Variants in DHX8 observed in about 807,000 individuals in gnomAD.
DHX8 encodes the protein DEAH-box helicase 8.
DHX8 carries 67 observed loss-of-function variants against 140.7 expected under a neutral mutation model. The observed-to-expected ratio is 0.48, with a 90% CI of 0.39 to 0.58. DHX8 has a LOEUF of 0.58. Ranked by LOEUF, DHX8 falls within the 20% of genes least tolerant of loss-of-function variation. The probability of loss-of-function intolerance (pLI) is 0.00; values close to 1 mark genes in which losing one functional copy is unlikely to be tolerated. For synonymous variants in DHX8, 533 were observed against 553.2 expected (o/e 0.96, Z 0.51); for missense variants, 887 against 1,550.7 (o/e 0.57, Z 7.19).
chr17:43,492,141 A>G (rs1385683838), intron 4 of DHX8, 42 bp from the exon 5 acceptor site: 2 of 1,372,692 alleles, frequency 1.5e-6, no homozygotes, highest in Admixed American at 3.4e-5. Context: ...CAGATTCTTG[A>G]GTAGTTTTTT....
chr17:43,522,706 C>G (rs995566804), intron 22 of DHX8, among the ~76,000 whole-genome samples: 2 of 139,480 alleles, frequency 1.4e-5, no homozygotes, highest in African/African-American at 5.6e-5. Flanking sequence ...CGAAATCACC[C>G]ATTGCACTCC....
chr17:43,543,054 C>G (rs1177971447), intron 3 of DHX8, among the ~76,000 whole-genome samples: 1 of 152,044 alleles, frequency 6.6e-6, no homozygotes, highest in Non-Finnish European at 1.5e-5. Flanking sequence ...CATCTGTCTC[C>G]GCAGAGAAAG....
intron 12 of DHX8, among the ~76,000 whole-genome samples, chr17:43,506,189 A>G (rs1439220765): frequency 2.0e-5 from 3 of 151,912 alleles, no homozygotes; most frequent in South Asian, 2.1e-4. Context: ...TATTTTTTGT[A>G]GAGATGCGGT....
intron 3 of DHX8, among the ~76,000 whole-genome samples, chr17:43,541,455 AG>A (rs1395759514): frequency 1.3e-5 from 2 of 150,784 alleles, no homozygotes; most frequent in Non-Finnish European, 3.0e-5. Flanking sequence ...ATGATTAAGG[AG>A]GGGGTGGGAA....
chr17:43,529,492 C>G (rs150661130), downstream of DHX8: 4 of 1,598,898 alleles, frequency 2.5e-6, no homozygotes, highest in Admixed American at 3.4e-5. Flanking sequence ...TGGGAACATC[C>G]GAGAGGCCCA....
chr17:43,514,677 A>G (rs2154586795), intron 17 of DHX8, among the ~76,000 whole-genome samples: 1 of 152,332 alleles, frequency 6.6e-6, no homozygotes, highest in East Asian at 1.9e-4. Context: ...AAAGTTAGAA[A>G]TGATTAAATA....
chr17:43,528,692 A>G (rs368414776), downstream of DHX8: 4 of 1,614,062 alleles, frequency 2.5e-6, no homozygotes, highest in Non-Finnish European at 3.4e-6. Flanking sequence ...GCCAAAGAGA[A>G]GAGGGCCTCG....
intron 3 of DHX8, among the ~76,000 whole-genome samples, chr17:43,542,050 C>T (rs1971550293): frequency 6.6e-6 from 1 of 152,180 alleles, no homozygotes. Flanking sequence ...GCATGCCCTC[C>T]ACACATGGGG....
At chr17:43,506,597 C>T (rs550480551) in intron 12 of DHX8, among the ~76,000 whole-genome samples, 3 of 146,490 alleles carry the variant, frequency 2.0e-5, no homozygotes, top group Middle Eastern at 3.6e-3. Flanking sequence ...CCAGCATGGG[C>T]GACAGAGTGA....
intron 1 of DHX8, among the ~76,000 whole-genome samples, chr17:43,485,603 G>A (rs925517390): frequency 6.6e-6 from 1 of 151,430 alleles, no homozygotes; most frequent in Non-Finnish European, 1.5e-5. Flanking sequence ...ATTGAGCTGG[G>A]GGCTAGGCAT....
intron 12 of DHX8, among the ~76,000 whole-genome samples, chr17:43,505,115 AAAATAAAAAATTT>A (rs1969415695): frequency 6.6e-6 from 1 of 152,154 alleles, no homozygotes; most frequent in African/African-American, 2.4e-5. Context: ...GTCTCTACAA[AAAATAAAAAATTT>A]GGTGGGGCGT....
chr17:43,520,049 A>C, intron 18 of DHX8, 81 bp from the exon 19 acceptor site: 1 of 1,529,366 alleles, frequency 6.5e-7, no homozygotes, highest in Non-Finnish European at 9.0e-7. Context: ...AATGGGAAAT[A>C]AAGTAACAAG....
intron 2 of DHX8, among the ~76,000 whole-genome samples, chr17:43,535,384 T>C (rs1021069400): frequency 2.4e-4 from 37 of 152,184 alleles, no homozygotes; most frequent in African/African-American, 8.9e-4. Context: ...TTCAAGCGAT[T>C]CTCATGCCTC....
At chr17:43,526,187 A>G (rs1970610676), downstream of DHX8, 10 of 985,200 alleles carry the variant, frequency 1.0e-5, no homozygotes, top group Admixed American at 1.2e-4. Context: ...CTCTCACACA[A>G]TGGAGCCCTT....
chr17:43,520,253 C>T lies in DHX8; in HGVS notation c.2923C>T (p.Arg975Cys), dbSNP rs1567698053. The change falls in exon 19 of 23, where the codon CGC becomes TGC. Residue 975 changes from arginine (R) to cysteine (C), a missense_variant. By Grantham distance (180) the Arg-to-Cys change is radical. Around this residue, in one of 9 missense-constraint regions of DHX8, gnomAD observed 151 missense variants for 388.3 expected, o/e 0.39. Transcript: ENST00000262415. ...CCTGGATGACGAGGGCCTGCTCACT[C>T]GCTTGGGCCGCCGGGTAAGGGACAG... The part of the protein sequence containing the change: ...GALDDEGLLT[R>C]LGRRMAEFPL... 6.2e-7 allele frequency: 1 copy of T among 1,614,032 alleles called. No homozygotes were observed. The highest frequency in any genetic ancestry group is 8.5e-7 in the Non-Finnish European group (1 of 1,179,978).
intron 22 of DHX8, among the ~76,000 whole-genome samples, chr17:43,523,062 CAAAAAAA>C (rs5820498): frequency 4.9e-5 from 5 of 102,706 alleles, no homozygotes; most frequent in African/African-American, 1.2e-4. Flanking sequence ...GACTCCGTCC[CAAAAAAA>C]AAAAAAAAAA....
intron 12 of DHX8, among the ~76,000 whole-genome samples, chr17:43,505,722 T>C (rs527661544): frequency 6.6e-6 from 1 of 152,194 alleles, no homozygotes; most frequent in East Asian, 1.9e-4. Flanking sequence ...ATGAGGATAC[T>C]CAGTCAATAA....
intron 11 of DHX8, among the ~76,000 whole-genome samples, chr17:43,501,700 G>T (rs1237723992): frequency 6.6e-6 from 1 of 151,004 alleles, no homozygotes; most frequent in South Asian, 2.1e-4. Context: ...GGTCAGGCTG[G>T]TCTCGAACTC....
chr17:43,532,699 T>A, intron 2 of DHX8: 1 of 1,613,700 alleles, frequency 6.2e-7, no homozygotes, highest in South Asian at 1.1e-5. Flanking sequence ...AGTCCGTCTG[T>A]TCCTGTTTGA....
Sources: allele counts gnomAD v4.1 joint callset (sites outside exome capture counted in the v4.1 genomes callset), GRCh38; gene constraint gnomAD v4.1.1; regional missense constraint gnomAD v4.1.1; transcripts MANE v1.5; gene names NCBI Gene and HGNC (gene_info 2026-07-23, HGNC 2026-07-21).